The following DHX57 variants were observed in gnomAD, a reference collection of about 807,000 sequenced individuals.
The protein encoded by DHX57 is putative ATP-dependent RNA helicase DHX57.
Under a neutral mutation model 156.2 loss-of-function variants are expected in DHX57, and 105 were observed. The ratio of observed to expected loss-of-function variants is 0.67; its 90% CI spans 0.57 to 0.79. The LOEUF (loss-of-function observed/expected upper bound fraction) is 0.79. Among genes scored for constraint, DHX57 ranks in the 30% least tolerant of loss-of-function variants. The probability of loss-of-function intolerance (pLI) is 0.00; values close to 1 mark genes in which losing one functional copy is unlikely to be tolerated. For synonymous variants in DHX57, 704 were observed against 595.6 expected (o/e 1.18, Z -2.65); for missense variants, 1,847 against 1,661.9 (o/e 1.11, Z -1.94).
intron 9 of DHX57, among the ~76,000 whole-genome samples, 163 bp from the exon 10 acceptor site, chr2:38,848,565 A>C (rs1039713129): frequency 2.6e-5 from 4 of 152,046 alleles, no homozygotes; most frequent in Admixed American, 2.6e-4. Context: ...GTGAAGCCTT[A>C]CTATTACAGG....
chr2:38,813,095 C>T (rs866783551), intron 21 of DHX57, among the ~76,000 whole-genome samples: 14 of 152,194 alleles, frequency 9.2e-5, no homozygotes, highest in South Asian at 4.1e-4. Context: ...ATCTGCCCAA[C>T]TCGGCTTCCC....
In DHX57 at chr2:38,875,770, A is replaced by C; in HGVS notation, c.-7+17T>G. The C allele has an allele frequency of 2.8e-6, 1 of 355,728 alleles. No homozygotes were observed. The highest frequency in any genetic ancestry group is 5.0e-6 in the Non-Finnish European group (1 of 199,232). 22.0% of individuals were successfully genotyped at this position (355,728 alleles called of 1,614,324 possible). A position where few individuals can be genotyped will look rare whatever the true frequency, so the allele number is the denominator to read the frequency against. On this transcript the variant is annotated intron_variant, in intron 1 of 23. Transcript: ENST00000457308. ...CGCACAACGCGCATCACTTGTCCGCAGAAGTGGAAGACGTACCTGGCTCGC... is the reference window on the plus strand; with the variant it reads ...CGCACAACGCGCATCACTTGTCCGCCGAAGTGGAAGACGTACCTGGCTCGC...
rs188807363 is a variant in DHX57, at chr2:38,863,538, C to A, written c.225-19G>T. On this transcript the variant is annotated intron_variant, in intron 2 of 23. Transcript: ENST00000457308. ...GCTAGGTCTATAGAGAACAAAAGAG[C>A]AAAATTACACACATATCTTCAATCA... 3.1e-6 allele frequency: 5 copies of A among 1,603,814 alleles called. No individual in the cohort carries two copies. The highest frequency in any genetic ancestry group is 4.2e-6 in the Non-Finnish European group (5 of 1,176,910).
At chr2:38,848,460 TA>T in intron 9 of DHX57, 58 bp from the exon 10 acceptor site, 1 of 1,516,040 alleles carries the variant, frequency 6.6e-7, no homozygotes, top group East Asian at 2.3e-5. Flanking sequence ...TGAAAATTAG[TA>T]ACTTTTACTA....
intron 2 of DHX57, among the ~76,000 whole-genome samples, chr2:38,866,579 A>G (rs1665083348): frequency 6.6e-6 from 1 of 152,046 alleles, no homozygotes; most frequent in Non-Finnish European, 1.5e-5. Flanking sequence ...TGGTTTTTCT[A>G]TCTCAAATCC....
chr2:38,811,128 C>T lies in DHX57; in HGVS notation c.3681+2693G>A, dbSNP rs138180075. 8.2e-4 allele frequency: 439 copies of T among 538,196 alleles called. 1 individual carries two copies. Among genetic ancestry groups the T allele is most frequent in the African/African-American group, 6.5e-3 (338 of 52,338 alleles). The allele number at this position is 538,196 out of a possible 1,614,324, so 33.3% of individuals were successfully genotyped here. On this transcript the variant is annotated intron_variant, in intron 21 of 23. Transcript: ENST00000457308. ...TCGTGGCTGATGTGCATGAGGTTCT[C>T]GTCCATGTTCCATGGGTGCTTCAGA... is the stretch of plus-strand genomic sequence containing the variant.
chr2:38,865,905 TTA>T lies in DHX57; in HGVS notation c.224+2275_224+2276del, dbSNP rs564971674. Among the ~76,000 whole-genome samples, 221 of 152,276 alleles carry T rather than the reference TTA, an allele frequency of 1.5e-3. 1 individual carries two copies. Among genetic ancestry groups the T allele is most frequent in the Non-Finnish European group, 1.4e-3 (92 of 68,026 alleles). ...CTCCTTGCTTTCAACTCATGCCCCT[TTA>T]TAGTTTATTCTCTACAAAGCACACC... On this transcript the variant is annotated intron_variant, in intron 2 of 23. Coordinates refer to ENST00000457308, the MANE Select transcript of DHX57 (RefSeq NM_198963.3).
chr2:38,842,039 C>A (rs1672035308), intron 12 of DHX57, among the ~76,000 whole-genome samples: 1 of 152,114 alleles, frequency 6.6e-6, no homozygotes, highest in Non-Finnish European at 1.5e-5. Flanking sequence ...AAGGGAGAAA[C>A]CTAGCAAACA....
intron 12 of DHX57, among the ~76,000 whole-genome samples, chr2:38,840,651 G>C (rs947512315): frequency 3.3e-5 from 5 of 152,106 alleles, no homozygotes; most frequent in Non-Finnish European, 7.4e-5. Context: ...TACAGAAGCT[G>C]GTGGCAGAGT....
rs1358509789 is a variant in DHX57 at position 38,856,530 on chromosome 2, G to A, written c.1588-69C>T. The A allele has an allele frequency of 2.1e-4, 319 of 1,486,694 alleles. 3 individuals carry two copies. The highest frequency in any genetic ancestry group is 1.7e-5 in the Non-Finnish European group (19 of 1,122,056). The allele number at this position is 1,486,694 out of a possible 1,614,324, so 92.1% of individuals were successfully genotyped here. On this transcript the variant is annotated intron_variant, in intron 6 of 23. Transcript: ENST00000457308. ...TTTTTTTTTTTTTTTTTTGAGACAG[G>A]GTCTCACTCTGTTGCCAGGCTGGAG...
chr2:38,798,476 G>C, intron 23 of DHX57, 34 bp from the exon 24 acceptor site: 1 of 1,585,540 alleles, frequency 6.3e-7, no homozygotes, highest in South Asian at 1.2e-5. Context: ...GCAGTGCTTG[G>C]AGGAACAGGC....
At chr2:38,815,327 A>C (rs1670479339) in intron 20 of DHX57, among the ~76,000 whole-genome samples, 194 bp downstream of exon 20, 1 of 152,138 alleles carries the variant, frequency 6.6e-6, no homozygotes, top group Admixed American at 6.5e-5. Context: ...AGCCTCCCAA[A>C]GTGTTGGGAT....
chr2:38,833,880 A>G (rs966452639), intron 13 of DHX57, among the ~76,000 whole-genome samples: 1 of 152,252 alleles, frequency 6.6e-6, no homozygotes, highest in Non-Finnish European at 1.5e-5. Flanking sequence ...AATGCATAAG[A>G]CATATATAGA....
intron 21 of DHX57, chr2:38,811,620 C>T (rs1468675232): frequency 7.3e-6 from 10 of 1,370,450 alleles, no homozygotes; most frequent in Non-Finnish European, 1.0e-5. Context: ...CAGGCCGGCA[C>T]TGTAGGCCAG....
chr2:38,870,910 A>G (rs1482855298), intron 1 of DHX57, among the ~76,000 whole-genome samples: 1 of 151,912 alleles, frequency 6.6e-6, no homozygotes, highest in Non-Finnish European at 1.5e-5. Flanking sequence ...CAAAAAAAAA[A>G]CAACAAAAAA....
Position 38,823,165 on chromosome 2 carries a change from A to G in DHX57, c.3119T>C (p.Leu1040Ser), listed in dbSNP as rs1245879577. ...TGGAGTTAATGCTCCTAAGTCTCGT[A>G]ATCGTATTTTTGAGGCACGAAGAGA... ...TDSLRASKIR[L>S]RDLGALTPDE... The change falls in exon 17 of 24, where the codon TTA becomes TCA. Residue 1040 changes from leucine (L) to serine (S), a missense_variant. Leu to Ser is a moderately radical substitution (Grantham distance 145, BLOSUM62 -2). Coordinates refer to ENST00000457308, the MANE Select transcript of DHX57 (RefSeq NM_198963.3). 1 of 1,614,198 alleles carries G rather than the reference A, an allele frequency of 6.2e-7. No individual in the cohort carries two copies. The highest frequency in any genetic ancestry group is 8.5e-7 in the Non-Finnish European group (1 of 1,180,032).
intron 16 of DHX57, 44 bp downstream of exon 16, chr2:38,825,803 C>T: frequency 1.9e-6 from 3 of 1,595,004 alleles, no homozygotes; most frequent in Non-Finnish European, 2.6e-6. Flanking sequence ...GAGTGAGAAA[C>T]ATTTAGACCT....
chr2:38,834,864 T>TA (rs1160481250), intron 13 of DHX57, among the ~76,000 whole-genome samples: 2 of 152,210 alleles, frequency 1.3e-5, no homozygotes, highest in South Asian at 2.1e-4. Context: ...GTGAAAATCT[T>TA]ACGCTTTTTG....
chr2:38,838,513 ACT>A (rs1671807078), intron 12 of DHX57, among the ~76,000 whole-genome samples: 1 of 152,100 alleles, frequency 6.6e-6, no homozygotes, highest in South Asian at 2.1e-4. Context: ...GCCACTTTTT[ACT>A]CTCCTCATTC....
Sources: allele counts gnomAD v4.1 joint callset (sites outside exome capture counted in the v4.1 genomes callset), GRCh38; gene constraint gnomAD v4.1.1; transcripts MANE v1.5; gene names NCBI Gene and HGNC (gene_info 2026-07-23, HGNC 2026-07-21).